CMYA5: variants seen among roughly 807,000 people sequenced by gnomAD.
CMYA5 encodes the protein cardiomyopathy associated 5.
In CMYA5, 246 loss-of-function variants were observed where a neutral mutation model predicts 318.9. The ratio of observed to expected loss-of-function variants is 0.77; its 90% CI spans 0.70 to 0.86. The LOEUF is 0.86. CMYA5 is among the 40% of genes least tolerant of loss of function. CMYA5 has a pLI of 0.00. For missense variants in CMYA5, 4,589 were observed against 4,678.2 expected, an observed-to-expected ratio of 0.98 and a Z score of 0.56; for synonymous variants, 1,641 against 1,729.5, an observed-to-expected ratio of 0.95 and a Z score of 1.27.
intron 1 of CMYA5, among the ~76,000 whole-genome samples, chr5:79,726,118 G>T (rs1216915895): frequency 6.6e-6 from 1 of 152,194 alleles, no homozygotes; most frequent in East Asian, 1.9e-4. Context: ...GAGTGAATCA[G>T]TAGGGCTCTC....
At chr5:79,743,190 G>A (rs1828252194) in intron 2 of CMYA5, among the ~76,000 whole-genome samples, 1 of 152,186 alleles carries the variant, frequency 6.6e-6, no homozygotes, top group African/African-American at 2.4e-5. Flanking sequence ...TATTTTTTAA[G>A]TTTAGCAAGA....
intron 2 of CMYA5, 70 bp downstream of exon 2, chr5:79,739,473 C>T: frequency 1.7e-6 from 2 of 1,162,592 alleles, no homozygotes; most frequent in East Asian, 2.8e-5. Context: ...TACATTTTCT[C>T]AATTTTAAAG....
chr5:79,746,623 T>C (rs1017173435), intron 4 of CMYA5, among the ~76,000 whole-genome samples: 1 of 147,916 alleles, frequency 6.8e-6, no homozygotes, highest in South Asian at 2.2e-4. Flanking sequence ...TTGGAAAATA[T>C]AGAAAAGCAC....
Position 79,689,855 on chromosome 5 carries a change from G to C in CMYA5, c.-53G>C, listed in dbSNP as rs1826911144. 1.6e-6 allele frequency: 1 copy of C among 639,834 alleles called. No homozygotes were observed. Among genetic ancestry groups the C allele is most frequent in the African/African-American group, 1.9e-5 (1 of 51,450 alleles). The allele number at this position is 639,834 out of a possible 1,614,324, so 39.6% of individuals were successfully genotyped here. ...CAGAGCAGTCGGAGGGAGAACACCA[G>C]GCGCGGCGCGGGCGGCTCCGGCTCC... On this transcript the variant is annotated 5_prime_UTR_variant, in exon 1 of 13. Coordinates refer to ENST00000446378, the MANE Select transcript of CMYA5 (RefSeq NM_153610.5).
At chr5:79,759,448 G>A (rs1317926481) in intron 7 of CMYA5, among the ~76,000 whole-genome samples, 8 of 152,354 alleles carry the variant, frequency 5.3e-5, no homozygotes, top group Admixed American at 2.0e-4. Context: ...TTCCCAGGGC[G>A]TGGGCCTAGG....
At chr5:79,712,998 C>A (rs567589062) in intron 1 of CMYA5, among the ~76,000 whole-genome samples, 1 of 152,288 alleles carries the variant, frequency 6.6e-6, no homozygotes, top group East Asian at 1.9e-4. Flanking sequence ...TTGAAGAATT[C>A]CAGCACTAAA....
chr5:79,739,246 A>T lies in CMYA5; in HGVS notation c.10481A>T (p.Glu3494Val), dbSNP rs371424150. Reference protein sequence around the residue: ...ERKEEDQLSSEVVTEKAQKEL... With the variant: ...ERKEEDQLSSVVVTEKAQKEL... ...AAAGAAGAAGACCAATTATCATCTG[A>T]GGTAGTAACTGAAAAGGCACAAAAA... is the stretch of plus-strand genomic sequence containing the variant. The change falls in exon 2 of 13, where the codon GAG (glutamate) becomes GTG (valine). Residue 3494 changes from glutamate (E) to valine (V), a missense_variant. This residue lies in a region of CMYA5 where 2,431 missense variants were observed against 2,495.1 expected (regional missense o/e 0.97). Coordinates refer to ENST00000446378, the MANE Select transcript of CMYA5 (RefSeq NM_153610.5). 2 of 1,612,704 alleles carry T rather than the reference A, an allele frequency of 1.2e-6. No homozygotes were observed. Among genetic ancestry groups the T allele is most frequent in the Non-Finnish European group, 1.7e-6 (2 of 1,179,422 alleles).
rs549181398 is a variant in CMYA5, at chr5:79,743,159, C to T, written c.10639-668C>T. On this transcript the variant is annotated intron_variant, in intron 2 of 12. Coordinates refer to ENST00000446378, the MANE Select transcript of CMYA5 (RefSeq NM_153610.5). ...GGTAGTGAATCAGACAGCTGAAGCTCTGCTATTTTTTCTGCTTTGTTATTT... is the reference window on the plus strand; with the variant it reads ...GGTAGTGAATCAGACAGCTGAAGCTTTGCTATTTTTTCTGCTTTGTTATTT... 3.3e-5 allele frequency among the ~76,000 whole-genome samples: 5 copies of T among 152,298 alleles called. No individual in the cohort carries two copies. The South Asian group carries it at 1.0e-3, about 32-fold the overall frequency.
chr5:79,728,881 G>T, intron 1 of CMYA5, 34 bp from the exon 2 acceptor site: 1 of 967,238 alleles, frequency 1.0e-6, no homozygotes, highest in Non-Finnish European at 1.4e-6. Context: ...ATTTTATTAT[G>T]ATAATATATA....
chr5:79,725,298 A>G (rs1204285087), intron 1 of CMYA5, among the ~76,000 whole-genome samples: 2 of 152,246 alleles, frequency 1.3e-5, no homozygotes, highest in African/African-American at 2.4e-5. Context: ...TAAGAATTAA[A>G]TCATGTCCTT....
rs1041406277 is a variant in CMYA5 at position 79,733,367 on chromosome 5, G to A, written c.4602G>A (p.Trp1534Ter). ...EPEHELPLSL[W>*]GEIKKKETEL... ...AACATGAGCTTCCACTCAGCCTATGGGGTGAGATAAAGAAGAAAGAAACTG... is the reference window on the plus strand; with the variant it reads ...AACATGAGCTTCCACTCAGCCTATGAGGTGAGATAAAGAAGAAAGAAACTG... Residue 1534 changes from tryptophan to a stop codon, truncating the protein, a stop_gained, in exon 2 of 13, where the codon TGG becomes TGA. Transcript: ENST00000446378. LOFTEE classifies it high-confidence loss of function. 1.2e-6 allele frequency: 2 copies of A among 1,613,436 alleles called. No individual in the cohort carries two copies. The highest frequency in any genetic ancestry group is 1.7e-6 in the Non-Finnish European group (2 of 1,179,820).
chr5:79,705,968 C>T (rs1378982434), intron 1 of CMYA5, among the ~76,000 whole-genome samples: 1 of 152,186 alleles, frequency 6.6e-6, no homozygotes, highest in East Asian at 1.9e-4. Context: ...TTTCTCTTCT[C>T]TCCCTTCCCC....
chr5:79,747,836 T>C (rs1018650609), intron 5 of CMYA5, among the ~76,000 whole-genome samples: 1 of 152,204 alleles, frequency 6.6e-6, no homozygotes, highest in Non-Finnish European at 1.5e-5. Flanking sequence ...TTTCTCCTTT[T>C]AGTGTAATTT....
intron 6 of CMYA5, among the ~76,000 whole-genome samples, chr5:79,758,097 G>A (rs937022229): frequency 2.6e-5 from 4 of 151,820 alleles, no homozygotes; most frequent in African/African-American, 9.7e-5. Flanking sequence ...AGGTGTGGTG[G>A]TGCAGGCCTG....
rs774736610 is a variant in CMYA5, at chr5:79,761,922, G to A, written c.11372G>A (p.Cys3791Tyr). Residue 3791 changes from cysteine (C) to tyrosine (Y), a missense_variant, in exon 8 of 13, where the codon TGT (cysteine) becomes TAT (tyrosine). Cys to Tyr is a radical substitution (Grantham distance 194). Transcript: ENST00000446378. ...VWVMAVNFTGCSLPSERAIFR... is the reference protein window; with the variant it reads ...VWVMAVNFTGYSLPSERAIFR... The stretch of plus-strand genomic sequence containing the variant: ...GTGATGGCTGTGAACTTCACTGGAT[G>A]TAGCCTGCCCAGTGAAAGGGCCATC... The A allele has an allele frequency of 1.2e-6, 2 of 1,613,706 alleles. No individual in the cohort carries two copies. The highest frequency in any genetic ancestry group is 8.5e-7 in the Non-Finnish European group (1 of 1,179,770).
At chr5:79,723,776 G>GA (rs112255186) in intron 1 of CMYA5, among the ~76,000 whole-genome samples, 36,689 of 118,148 alleles carry the variant, frequency 0.31, 7,089 homozygotes, top group African/African-American at 0.59. Flanking sequence ...ACAAAACAAT[G>GA]AAAAAAAAAA....
At chr5:79,764,097 A>G (rs922076556) in intron 9 of CMYA5, among the ~76,000 whole-genome samples, 1 of 151,708 alleles carries the variant, frequency 6.6e-6, no homozygotes, top group African/African-American at 2.4e-5. Flanking sequence ...GGTTTGCTGC[A>G]CCCATCAACC....
At chr5:79,745,663 GA>G (rs2151090638) in intron 4 of CMYA5, among the ~76,000 whole-genome samples, 1 of 152,332 alleles carries the variant, frequency 6.6e-6, no homozygotes, top group East Asian at 1.9e-4. Context: ...AGATCCAGCT[GA>G]AAGATACAGC....
At chr5:79,726,565 G>C (rs1020596645) in intron 1 of CMYA5, among the ~76,000 whole-genome samples, 1 of 152,178 alleles carries the variant, frequency 6.6e-6, no homozygotes, top group Non-Finnish European at 1.5e-5. Flanking sequence ...ACTTCTTCCC[G>C]ACCCTTCACT....
Sources: gnomAD v4.1 joint callset for allele counts (sites outside exome capture counted in the v4.1 genomes callset) on GRCh38, gnomAD v4.1.1 for gene constraint, gnomAD v4.1.1 regional missense constraint, MANE v1.5 for transcripts, NCBI Gene and HGNC (gene_info 2026-07-23, HGNC 2026-07-21) for gene names.